PTPRA: variants seen among roughly 807,000 people sequenced by gnomAD.
The protein encoded by PTPRA is protein tyrosine phosphatase receptor type A.
A neutral mutation model predicts 104.8 loss-of-function variants in PTPRA; 25 were observed. That is an observed-to-expected ratio of 0.24 (90% confidence interval 0.17 to 0.33). The LOEUF is 0.33. PTPRA is among the 10% of genes least tolerant of loss of function. PTPRA has a pLI of 1.00. For missense variants in PTPRA, 765 were observed against 1,015.3 expected (o/e 0.75, Z 3.35); for synonymous variants, 323 against 368.9 (o/e 0.88, Z 1.43).
chr20:2,878,144 C>T (rs187737210), intron 1 of PTPRA, among the ~76,000 whole-genome samples: 5 of 151,842 alleles, frequency 3.3e-5, no homozygotes, highest in African/African-American at 7.3e-5. Context: ...AGCGAGACTC[C>T]GTCTCAAAAA....
chr20:2,980,642 G>T (rs2062632858), intron 6 of PTPRA, among the ~76,000 whole-genome samples: 1 of 152,030 alleles, frequency 6.6e-6, no homozygotes, highest in South Asian at 2.1e-4. Flanking sequence ...TTGAGACCAA[G>T]AGTTCAAGAC....
intron 1 of PTPRA, among the ~76,000 whole-genome samples, chr20:2,899,448 GT>G (rs147279730): frequency 3.8e-4 from 56 of 148,986 alleles, no homozygotes; most frequent in South Asian, 3.0e-3. Flanking sequence ...GGATGGGTGA[GT>G]TTTTTTTTTG....
At chr20:2,991,229 C>T (rs930757657) in intron 9 of PTPRA, among the ~76,000 whole-genome samples, 4 of 151,956 alleles carry the variant, frequency 2.6e-5, no homozygotes, top group African/African-American at 4.8e-5. Context: ...CGTGGTGGCA[C>T]GTGCCTGTAA....
At chr20:3,017,951 A>C in intron 13 of PTPRA, 38 bp downstream of exon 13, 2 of 1,518,172 alleles carry the variant, frequency 1.3e-6, no homozygotes, top group Non-Finnish European at 1.8e-6. Flanking sequence ...CAGAAGGATC[A>C]CTCTGCATAT....
At chr20:2,968,701 C>T (rs1419987645) in intron 5 of PTPRA, among the ~76,000 whole-genome samples, 2 of 150,884 alleles carry the variant, frequency 1.3e-5, no homozygotes, top group Non-Finnish European at 3.0e-5. Context: ...ATCGCTTAAG[C>T]CCGGGAGTTT....
chr20:2,896,231 T>C (rs2058992995), intron 1 of PTPRA, among the ~76,000 whole-genome samples: 1 of 151,954 alleles, frequency 6.6e-6, no homozygotes, highest in African/African-American at 2.4e-5. Flanking sequence ...AAAAAAAATT[T>C]AGCCGGGCAT....
chr20:2,900,154 TTTCATTCA>T (rs1392849766), intron 1 of PTPRA, among the ~76,000 whole-genome samples: 4 of 151,894 alleles, frequency 2.6e-5, no homozygotes, highest in Admixed American at 6.6e-5. Flanking sequence ...CCTTTTTTTT[TTTCATTCA>T]TTCATTAATT....
Position 3,022,602 on chromosome 20 carries a change from G to A in PTPRA, c.1329-87G>A, listed in dbSNP as rs2064932923. 3 of 1,570,890 alleles carry A rather than the reference G, an allele frequency of 1.9e-6. No individual in the cohort carries two copies. The highest frequency in any genetic ancestry group is 1.7e-5 in the Admixed American group (1 of 57,220). On this transcript the variant is annotated intron_variant, in intron 15 of 23. Transcript: ENST00000399903. The surrounding 1 kb of genome is among the most constrained non-coding windows in gnomAD (Gnocchi z 4.6). ...CAGAATTAGGATTTAGACCCTGAAG[G>A]AAGAGCCCCTGCCTGTGTTGCCCCT...
chr20:3,016,110 A>G (rs1048950210), intron 12 of PTPRA, among the ~76,000 whole-genome samples: 3 of 152,204 alleles, frequency 2.0e-5, no homozygotes, highest in African/African-American at 4.8e-5. Flanking sequence ...TTGTGTATGT[A>G]TATTAAAAAG....
At chr20:2,977,884 T>C (rs2062506816) in intron 6 of PTPRA, among the ~76,000 whole-genome samples, 1 of 152,092 alleles carries the variant, frequency 6.6e-6, no homozygotes, top group Non-Finnish European at 1.5e-5. Context: ...TTACATGCCA[T>C]TGGATATATC....
intron 3 of PTPRA, among the ~76,000 whole-genome samples, chr20:2,956,173 A>G (rs2061528596): frequency 6.6e-6 from 1 of 152,210 alleles, no homozygotes. Flanking sequence ...AGCTTCAGTC[A>G]GTGACCCTCC....
chr20:2,916,172 T>G (rs1473597539), intron 1 of PTPRA, among the ~76,000 whole-genome samples: 1 of 151,960 alleles, frequency 6.6e-6, no homozygotes, highest in Non-Finnish European at 1.5e-5. Context: ...CCCAAGTAGT[T>G]GGGATCACAG....
chr20:2,910,833 C>T (rs987566733), intron 1 of PTPRA, among the ~76,000 whole-genome samples: 16 of 150,950 alleles, frequency 1.1e-4, no homozygotes, highest in South Asian at 2.1e-4. Flanking sequence ...TCTCGATCTC[C>T]GGACCTCATG....
chr20:2,910,192 A>G (rs1363402398), intron 1 of PTPRA, among the ~76,000 whole-genome samples: 2 of 99,464 alleles, frequency 2.0e-5, no homozygotes, highest in African/African-American at 7.5e-5. Flanking sequence ...TATATGATAT[A>G]TGATATATAT....
chr20:3,033,470 A>G (rs765495571), intron 20 of PTPRA, among the ~76,000 whole-genome samples: 1 of 152,006 alleles, frequency 6.6e-6, no homozygotes. Flanking sequence ...GACTGTGGGC[A>G]TGACTCATAT....
chr20:2,935,781 T>C (rs2060678485), intron 2 of PTPRA, among the ~76,000 whole-genome samples: 1 of 152,126 alleles, frequency 6.6e-6, no homozygotes, highest in Admixed American at 6.5e-5. Flanking sequence ...TTGGGAGGCC[T>C]AGGCGGGTGG....
At chr20:2,901,265 A>G (rs1282174799) in intron 1 of PTPRA, among the ~76,000 whole-genome samples, 2 of 150,532 alleles carry the variant, frequency 1.3e-5, no homozygotes, top group African/African-American at 4.9e-5. Flanking sequence ...CACCGCACCC[A>G]GCCTTTTTTT....
chr20:3,036,005 A>G, intron 22 of PTPRA, 64 bp downstream of exon 22: 4 of 1,607,880 alleles, frequency 2.5e-6, no homozygotes, highest in African/African-American at 1.3e-5. Context: ...GGGGAAGCTG[A>G]TGACCATGGG....
At chr20:2,968,629 G>C (rs2062034006) in intron 5 of PTPRA, among the ~76,000 whole-genome samples, 1 of 151,796 alleles carries the variant, frequency 6.6e-6, no homozygotes, top group South Asian at 2.1e-4. Context: ...ATAAACAAAG[G>C]CCAGCTAGGC....
Sources: gnomAD v4.1 joint callset for allele counts (sites outside exome capture counted in the v4.1 genomes callset) on GRCh38, gnomAD v4.1.1 for gene constraint, Gnocchi (gnomAD v3.1) non-coding constraint, MANE v1.5 for transcripts, NCBI Gene and HGNC (gene_info 2026-07-23, HGNC 2026-07-21) for gene names.